Variants in FCRL2 observed in about 807,000 individuals in gnomAD.
FCRL2 encodes Fc receptor-like protein 2.
FCRL2 carries 48 observed loss-of-function variants against 59.8 expected under a neutral mutation model. That is an observed-to-expected ratio of 0.80 (90% CI 0.64 to 1.02). The LOEUF (loss-of-function observed/expected upper bound fraction) is 1.02. FCRL2 is among the 50% of genes least tolerant of loss of function. FCRL2 has a pLI of 0.00. For missense variants in FCRL2, 658 were observed against 597.3 expected (o/e 1.10, Z -1.06); for synonymous variants, 251 against 229.5 (o/e 1.09, Z -0.85).
chr1:157,767,052 T>A, intron 6 of FCRL2, 81 bp from the exon 7 acceptor site: 4 of 1,388,496 alleles, frequency 2.9e-6, no homozygotes, highest in Non-Finnish European at 4.0e-6. Context: ...GGATGTTAAA[T>A]ACAAATTCAA....
intron 2 of FCRL2, chr1:157,774,289 CA>C (rs1283342578): frequency 8.2e-6 from 3 of 367,696 alleles, no homozygotes; most frequent in African/African-American, 6.4e-5. Context: ...TAATTCTCAA[CA>C]GGCCAGAAAC....
At chr1:157,774,667 C>G (rs968279244) in intron 2 of FCRL2, among the ~76,000 whole-genome samples, 3 of 152,164 alleles carry the variant, frequency 2.0e-5, no homozygotes, top group Non-Finnish European at 4.4e-5. Context: ...TAATTTCCAT[C>G]CAGACAGACA....
At chr1:157,772,121 A>G (rs1650067822) in intron 2 of FCRL2, among the ~76,000 whole-genome samples, 1 of 151,162 alleles carries the variant, frequency 6.6e-6, no homozygotes, top group Non-Finnish European at 1.5e-5. Context: ...TTGCAAATGG[A>G]TACTAGATCT....
chr1:157,769,118 A>C (rs1649768971), intron 4 of FCRL2: 1 of 158,248 alleles, frequency 6.3e-6, no homozygotes, highest in Admixed American at 6.2e-5. Flanking sequence ...AACCAAATAC[A>C]ACTTCTCCTC....
At chr1:157,760,698 G>GGAAAGAAAGAAATAAAGAAAGAAGAAA (rs1553203602) in intron 7 of FCRL2, among the ~76,000 whole-genome samples, 9 of 97,288 alleles carry the variant, frequency 9.3e-5, no homozygotes, top group African/African-American at 4.2e-4. Flanking sequence ...AAAGAAAGAA[G>GGAAAGAAAGAAATAAAGAAAGAAGAAA]GAAAGAAAGA....
At chr1:157,750,397 C>G (rs1648103290) in intron 7 of FCRL2, among the ~76,000 whole-genome samples, 1 of 152,152 alleles carries the variant, frequency 6.6e-6, no homozygotes, top group Admixed American at 6.5e-5. Flanking sequence ...CTTGTAACAC[C>G]CATGAGTGTA....
Position 157,762,925 on chromosome 1 carries a change from G to A in FCRL2, c.1279+3930C>T, listed in dbSNP as rs138398489. On this transcript the variant is annotated intron_variant, in intron 7 of 11. Transcript: ENST00000361516. ...AGTTCATCACCACTAGCCCAGCCCT[G>A]TAAGAAATGCTCAAGGGAGTCCTAA... 2.7e-3 allele frequency among the ~76,000 whole-genome samples: 418 copies of A among 152,332 alleles called. 3 individuals carry two copies. The highest frequency in any genetic ancestry group is 0.016 in the Admixed American group (243 of 15,298).
At chr1:157,767,798 T>G in intron 5 of FCRL2, 1 of 1,032,396 alleles carries the variant, frequency 9.7e-7, no homozygotes, top group Non-Finnish European at 1.3e-6. Flanking sequence ...TTCTTTTGTA[T>G]CCTATAATTT....
intron 5 of FCRL2, 159 bp from the exon 6 acceptor site, chr1:157,767,668 A>G: frequency 1.3e-6 from 2 of 1,594,000 alleles, no homozygotes; most frequent in Middle Eastern, 1.8e-4. Context: ...TTTTCTCAAC[A>G]ATATATTTAG....
chr1:157,761,612 C>G (rs187171298), intron 7 of FCRL2, among the ~76,000 whole-genome samples: 1 of 151,992 alleles, frequency 6.6e-6, no homozygotes, highest in Non-Finnish European at 1.5e-5. Context: ...TTGTCTCCCC[C>G]AAAAGGCACA....
intron 7 of FCRL2, among the ~76,000 whole-genome samples, chr1:157,752,240 C>A (rs1648248402): frequency 6.6e-6 from 1 of 152,192 alleles, no homozygotes; most frequent in African/African-American, 2.4e-5. Flanking sequence ...TGGGAGGTAA[C>A]TGAATCATGG....
chr1:157,758,680 C>CAAAAAAA lies in FCRL2; in HGVS notation c.1279+8168_1279+8174dup, dbSNP rs59716565. ...CCCAAATAGCCAAAGCAGTCCCAAGCAAAAAAAAAAAAAAAAAAAAAACAA... is the reference window on the plus strand; with the variant it reads ...CCCAAATAGCCAAAGCAGTCCCAAGCAAAAAAAAAAAAAAAAAAAAAAAAAAAAACAA... On this transcript the variant is annotated intron_variant, in intron 7 of 11. Coordinates refer to ENST00000361516, the MANE Select transcript of FCRL2 (RefSeq NM_030764.4). Among the ~76,000 whole-genome samples the CAAAAAAA allele has an allele frequency of 3.4e-3, 186 of 55,354 alleles. 1 individual carries two copies. The highest frequency in any genetic ancestry group is 5.0e-3 in the East Asian group (8 of 1,598). The allele number at this position is 55,354 out of a possible 152,430, so 36.3% of individuals were successfully genotyped here.
At chr1:157,757,461 A>C (rs1056394013) in intron 7 of FCRL2, among the ~76,000 whole-genome samples, 2 of 152,172 alleles carry the variant, frequency 1.3e-5, no homozygotes, top group Non-Finnish European at 1.5e-5. Context: ...CGTTCTGCAC[A>C]TATACCCCAG....
At chr1:157,754,321 C>T (rs1358236789) in intron 7 of FCRL2, among the ~76,000 whole-genome samples, 2 of 152,164 alleles carry the variant, frequency 1.3e-5, no homozygotes, top group South Asian at 2.1e-4. Context: ...CACTGCTACA[C>T]TCCCACCAGT....
At chr1:157,766,667 C>A in intron 7 of FCRL2, 188 bp downstream of exon 7, 1 of 805,254 alleles carries the variant, frequency 1.2e-6, no homozygotes, top group Non-Finnish European at 1.9e-6. Context: ...GGAACAGTGA[C>A]ATATTGTATA....
At chr1:157,776,694 G>T (rs1384630489) in intron 1 of FCRL2, among the ~76,000 whole-genome samples, 2 of 152,068 alleles carry the variant, frequency 1.3e-5, no homozygotes, top group South Asian at 2.1e-4. Context: ...TTGAATAATC[G>T]GTGTTCATGG....
chr1:157,775,454 G>C (rs1055589828), intron 2 of FCRL2, among the ~76,000 whole-genome samples: 1 of 152,180 alleles, frequency 6.6e-6, no homozygotes, highest in Non-Finnish European at 1.5e-5. Context: ...CAATAAAGAG[G>C]CATTACAGTC....
chr1:157,751,411 A>G (rs1351784177), intron 7 of FCRL2, among the ~76,000 whole-genome samples: 1 of 152,220 alleles, frequency 6.6e-6, no homozygotes, highest in Non-Finnish European at 1.5e-5. Context: ...GAAAAGGGAG[A>G]TGAGGAGCCT....
chr1:157,761,396 G>T (rs12567349), intron 7 of FCRL2, among the ~76,000 whole-genome samples: 2 of 152,046 alleles, frequency 1.3e-5, no homozygotes, highest in African/African-American at 4.8e-5. Flanking sequence ...CAGGCAGATC[G>T]CTTGAGCTCA....
Sources: allele counts gnomAD v4.1 joint callset (sites outside exome capture counted in the v4.1 genomes callset), GRCh38; gene constraint gnomAD v4.1.1; transcripts MANE v1.5; gene names NCBI Gene and HGNC (gene_info 2026-07-23, HGNC 2026-07-21).